Variants in RAB33A observed in about 807,000 individuals in gnomAD.
The protein encoded by RAB33A is RAB33A, member RAS oncogene family.
In RAB33A, 6 loss-of-function variants were observed where a neutral mutation model predicts 12.0. The ratio of observed to expected loss-of-function variants is 0.50; its 90% confidence interval spans 0.27 to 0.99. The LOEUF is 0.99. Ranked by LOEUF, RAB33A falls within the 50% of genes least tolerant of loss-of-function variation. RAB33A has a pLI of 0.11. For missense variants in RAB33A, 109 were observed against 192.0 expected (o/e 0.57, Z 2.55); for synonymous variants, 70 against 82.4 (o/e 0.85, Z 0.81).
upstream of RAB33A, chrX:130,171,938 G>A: frequency 3.6e-6 from 3 of 823,815 alleles, no homozygotes; most frequent in East Asian, 3.6e-5. Context: ...ACACACGGGC[G>A]GACACACACA....
chrX:130,140,524 A>G, the RAB33A span: 1 of 1,201,242 alleles, frequency 8.3e-7, no homozygotes, highest in Non-Finnish European at 1.1e-6. Context: ...CATCTCCAGA[A>G]ATGCTCACCT....
Position 130,184,525 on chromosome X carries a change from C to CACAACA in RAB33A, c.499_500insACAACA (p.Leu167delinsHisAsnMet). 1 of 1,211,705 alleles carries CACAACA rather than the reference C, an allele frequency of 8.3e-7. No homozygotes were observed. ...GATCCAGGTGCCCTCCAACTTAGCC[C>CACAACA]TGAAATTTGCTGATGCCCACAACAT... On this transcript the variant is annotated protein_altering_variant, in exon 2 of 2. Transcript: ENST00000257017.
the RAB33A span, chrX:130,156,486 A>G: frequency 8.3e-7 from 1 of 1,211,826 alleles, no homozygotes; most frequent in Non-Finnish European, 1.1e-6. Flanking sequence ...TACTGTTGAT[A>G]AGCCCACAAT....
At chrX:130,145,457 A>G in the RAB33A span, 6 of 1,162,834 alleles carry the variant, frequency 5.2e-6, no homozygotes, top group South Asian at 1.1e-4. Context: ...AGCCTGACAA[A>G]AGAAGCGGTC....
At chrX:130,136,254 G>A in the RAB33A span, 54 of 1,116,597 alleles carry the variant, frequency 4.8e-5, no homozygotes, top group Non-Finnish European at 6.1e-5. Context: ...CGTAACAATG[G>A]CCCTTCATGC....
the RAB33A span, among the ~76,000 whole-genome samples, chrX:130,134,191 C>T: frequency 2.8e-5 from 3 of 108,449 alleles, no homozygotes; most frequent in African/African-American, 1.0e-4. Flanking sequence ...GAGCTGAGAT[C>T]GTGCCACTGA....
At chrX:130,117,444 C>T in the RAB33A span, among the ~76,000 whole-genome samples, 3 of 111,674 alleles carry the variant, frequency 2.7e-5, no homozygotes, top group Non-Finnish European at 3.8e-5. Flanking sequence ...CCCCAACCCC[C>T]GACAGCTGGG....
chrX:130,136,773 A>G, the RAB33A span: 11 of 1,156,028 alleles, frequency 9.5e-6, no homozygotes, highest in Non-Finnish European at 1.3e-5. Context: ...CTACAAGGCT[A>G]TCACTTTCAT....
At chrX:130,121,529 C>T in the RAB33A span, among the ~76,000 whole-genome samples, 2 of 112,128 alleles carry the variant, frequency 1.8e-5, no homozygotes, top group South Asian at 7.3e-4. Context: ...GGAATCCTTT[C>T]TTTCTGCTCC....
At chrX:130,161,647 G>T in the RAB33A span, among the ~76,000 whole-genome samples, 1 of 95,764 alleles carries the variant, frequency 1.0e-5, no homozygotes, top group Admixed American at 1.2e-4. Context: ...TCGCTCTGTC[G>T]TCCAGGCTGG....
chrX:130,175,243 T>C (rs779564436), intron 1 of RAB33A, among the ~76,000 whole-genome samples: 21 of 111,040 alleles, frequency 1.9e-4, no homozygotes, highest in Middle Eastern at 4.7e-3. Context: ...ATCCTACCTT[T>C]CCTGTTACAG....
the RAB33A span, among the ~76,000 whole-genome samples, chrX:130,158,156 C>T: frequency 2.9e-4 from 32 of 109,205 alleles, no homozygotes; most frequent in Admixed American, 1.7e-3. Context: ...CCCAGCTACT[C>T]GGGAGGCTGA....
chrX:130,182,260 CAT>C (rs1247704392), intron 1 of RAB33A, among the ~76,000 whole-genome samples: 102 of 95,953 alleles, frequency 1.1e-3, no homozygotes, highest in African/African-American at 3.8e-3. Context: ...CTATATATAA[CAT>C]ATATGTAATA....
At chrX:130,129,414 C>A in the RAB33A span, 1 of 527,780 alleles carries the variant, frequency 1.9e-6, no homozygotes, top group African/African-American at 2.3e-5. Context: ...TAAGAATTTA[C>A]CTACATAGTT....
At chrX:130,111,997 C>A in the RAB33A span, among the ~76,000 whole-genome samples, 1 of 111,521 alleles carries the variant, frequency 9.0e-6, no homozygotes. Flanking sequence ...GGGGATGGGG[C>A]CTTCTAAAGG....
the RAB33A span, among the ~76,000 whole-genome samples, chrX:130,157,929 T>TG: frequency 2.3e-5 from 2 of 88,567 alleles, no homozygotes; most frequent in African/African-American, 4.4e-5. Context: ...CACTCCAGCC[T>TG]GGCAACAGAG....
At chrX:130,160,926 A>C in the RAB33A span, among the ~76,000 whole-genome samples, 2 of 110,327 alleles carry the variant, frequency 1.8e-5, no homozygotes, top group East Asian at 5.7e-4. Flanking sequence ...AAAATGAAAA[A>C]ATAAACTTAA....
the RAB33A span, among the ~76,000 whole-genome samples, chrX:130,153,133 G>A: frequency 1.0e-5 from 1 of 96,258 alleles, no homozygotes; most frequent in Non-Finnish European, 2.0e-5. Context: ...AGGAGATGGA[G>A]ACCATTCTGG....
intron 1 of RAB33A, among the ~76,000 whole-genome samples, chrX:130,176,996 G>A (rs936106246): frequency 1.2e-4 from 13 of 112,434 alleles, no homozygotes; most frequent in African/African-American, 4.2e-4. Flanking sequence ...TCAGCTAAGA[G>A]CACATGCAGG....
Sources: gnomAD v4.1 joint callset for allele counts (sites outside exome capture counted in the v4.1 genomes callset) on GRCh38, gnomAD v4.1.1 for gene constraint, MANE v1.5 for transcripts, NCBI Gene and HGNC (gene_info 2026-07-23, HGNC 2026-07-21) for gene names.